Variants in CD82 observed in about 807,000 individuals in gnomAD.
The protein encoded by CD82 is CD82 molecule, also known as CD82 antigen.
In CD82, 36 loss-of-function variants were observed where a neutral mutation model predicts 37.4. The observed-to-expected ratio is 0.96, with a 90% confidence interval of 0.74 to 1.27. The LOEUF (loss-of-function observed/expected upper bound fraction) is 1.27. CD82 is among the 50% of genes most tolerant of loss of function. The pLI is 0.00. For synonymous variants in CD82, 158 were observed against 137.4 expected, an observed-to-expected ratio of 1.15 and a Z score of -1.05; for missense variants, 340 against 347.0, an observed-to-expected ratio of 0.98 and a Z score of 0.16.
At chr11:44,618,063 A>G in intron 7 of CD82, 99 bp from the exon 8 acceptor site, 1 of 999,926 alleles carries the variant, frequency 1.0e-6, no homozygotes. Context: ...GAAGTGGCAT[A>G]TCTCAGTCTC....
chr11:44,619,873 A>G lies in CD82; in HGVS notation c.*747A>G, dbSNP rs965432869. ...GTGGGTCAACTTATTTCCCACTATG[A>G]CATTTATATCTTTATTTTTCACAAT... On this transcript the variant is annotated 3_prime_UTR_variant, in exon 10 of 10. Transcript: ENST00000227155. 27 of 151,746 alleles carry G rather than the reference A, an allele frequency of 1.8e-4. No homozygotes were observed. Among genetic ancestry groups the G allele is most frequent in the African/African-American group, 5.3e-4 (22 of 41,302 alleles). The allele number at this position is 151,746 out of a possible 1,614,324, so 9.4% of individuals were successfully genotyped here. A position where few individuals can be genotyped will look rare whatever the true frequency, so the allele number is the denominator to read the frequency against.
chr11:44,580,715 T>G (rs1005227289), intron 1 of CD82, among the ~76,000 whole-genome samples: 1 of 152,036 alleles, frequency 6.6e-6, no homozygotes, highest in Admixed American at 6.5e-5. Context: ...TCTGTCTCAA[T>G]AAAAAGAAAA....
chr11:44,613,182 C>A (rs777059511), intron 6 of CD82, among the ~76,000 whole-genome samples: 1 of 152,186 alleles, frequency 6.6e-6, no homozygotes, highest in Non-Finnish European at 1.5e-5. Flanking sequence ...TCCTTGGCAT[C>A]CCTGCCTTCT....
intron 2 of CD82, among the ~76,000 whole-genome samples, chr11:44,594,333 A>G (rs1384067601): frequency 6.6e-6 from 1 of 152,162 alleles, no homozygotes; most frequent in Non-Finnish European, 1.5e-5. Flanking sequence ...TGCAAGTTCC[A>G]GAGCCTGGGT....
intron 1 of CD82, among the ~76,000 whole-genome samples, chr11:44,579,038 C>T (rs1026088436): frequency 2.6e-5 from 4 of 152,144 alleles, no homozygotes; most frequent in African/African-American, 7.2e-5. Flanking sequence ...CCTCAGCTTC[C>T]TTAGGGGGCT....
intron 2 of CD82, among the ~76,000 whole-genome samples, chr11:44,588,780 A>T (rs771536924): frequency 2.0e-5 from 3 of 152,184 alleles, no homozygotes; most frequent in Non-Finnish European, 2.9e-5. Context: ...AGCTGGCTGG[A>T]GTAGGAAGTT....
intron 3 of CD82, among the ~76,000 whole-genome samples, chr11:44,599,621 C>A (rs995036977): frequency 6.6e-6 from 1 of 152,230 alleles, no homozygotes; most frequent in African/African-American, 2.4e-5. Context: ...TAGACCCAGT[C>A]GGAATGACTG....
chr11:44,594,229 G>A (rs1414091153), intron 2 of CD82, among the ~76,000 whole-genome samples: 1 of 152,114 alleles, frequency 6.6e-6, no homozygotes. Flanking sequence ...TAGTCCCAGA[G>A]GGAGTCTGTG....
At chr11:44,618,490 A>G (rs1209215685) in intron 8 of CD82, 125 bp downstream of exon 8, 1 of 1,056,702 alleles carries the variant, frequency 9.5e-7, no homozygotes, top group Non-Finnish European at 1.4e-6. Flanking sequence ...TTGTACCTTC[A>G]TCTACTTCTT....
chr11:44,599,177 G>A (rs1243366017), intron 3 of CD82, among the ~76,000 whole-genome samples: 1 of 152,170 alleles, frequency 6.6e-6, no homozygotes, highest in African/African-American at 2.4e-5. Context: ...GAGTGAGGGG[G>A]TCTTGCCCTG....
chr11:44,618,659 A>C lies in CD82; in HGVS notation c.662A>C (p.Gln221Pro). ...TTGCAGGGCTGCATGGAGAAGGTGC[A>C]GGCGTGGCTGCAGGAGAACCTGGGC... ...VYQEGCMEKV[Q>P]AWLQENLGII... The change falls in exon 9 of 10, where the codon CAG (glutamine) becomes CCG (proline). Residue 221 changes from glutamine to proline, a missense_variant. Transcript: ENST00000227155. 1 of 1,612,546 alleles carries C rather than the reference A, an allele frequency of 6.2e-7. No individual in the cohort carries two copies. Among genetic ancestry groups the C allele is most frequent in the East Asian group, 2.2e-5 (1 of 44,830 alleles).
chr11:44,603,330 TC>T (rs1853335240), intron 4 of CD82, among the ~76,000 whole-genome samples: 1 of 152,144 alleles, frequency 6.6e-6, no homozygotes, highest in African/African-American at 2.4e-5. Flanking sequence ...ACAGACTCCC[TC>T]CCGTCCTCCA....
In CD82 at chr11:44,618,144, G is replaced by C. The variant is rs772792442; in HGVS notation, c.439-18G>C. ...GGTGAGCCGTGAGCACAAGCAGTCTGTCCCCTGCCTTGCCCAGGTGAAGTG... is the reference window on the plus strand; with the variant it reads ...GGTGAGCCGTGAGCACAAGCAGTCTCTCCCCTGCCTTGCCCAGGTGAAGTG... On this transcript the variant is annotated intron_variant, in intron 7 of 9. Coordinates refer to ENST00000227155, the MANE Select transcript of CD82 (RefSeq NM_002231.4). 2 of 1,612,406 alleles carry C rather than the reference G, an allele frequency of 1.2e-6. No homozygotes were observed. Among genetic ancestry groups the C allele is most frequent in the Non-Finnish European group, 1.7e-6 (2 of 1,178,762 alleles).
intron 2 of CD82, among the ~76,000 whole-genome samples, chr11:44,591,302 C>A (rs1179512491): frequency 6.6e-6 from 1 of 152,168 alleles, no homozygotes; most frequent in African/African-American, 2.4e-5. Context: ...GGCTCCTTCT[C>A]CCCTCTGTGC....
chr11:44,582,909 G>A (rs1033373145), intron 1 of CD82, among the ~76,000 whole-genome samples: 6 of 152,182 alleles, frequency 3.9e-5, no homozygotes, highest in African/African-American at 7.2e-5. Flanking sequence ...ACTTCTCAAC[G>A]TGTATCATGA....
intron 1 of CD82, among the ~76,000 whole-genome samples, chr11:44,576,056 G>A (rs960996741): frequency 6.6e-6 from 1 of 152,162 alleles, no homozygotes; most frequent in Non-Finnish European, 1.5e-5. Context: ...CACCATCTCT[G>A]CGCTAGGATC....
At chr11:44,615,497 G>T in intron 7 of CD82, 124 bp downstream of exon 7, 1 of 671,486 alleles carries the variant, frequency 1.5e-6, no homozygotes. Flanking sequence ...GTTTGTAGGA[G>T]AGTGTGCTTC....
Position 44,585,696 on chromosome 11 carries a change from A to G in CD82, c.-102-1779A>G, listed in dbSNP as rs138920075. 3.2e-4 allele frequency among the ~76,000 whole-genome samples: 49 copies of G among 152,276 alleles called. 2 individuals are homozygous for G. Among genetic ancestry groups the G allele is most frequent in the African/African-American group, 1.1e-3 (47 of 41,544 alleles). On this transcript the variant is annotated intron_variant, in intron 1 of 9. Coordinates refer to ENST00000227155, the MANE Select transcript of CD82 (RefSeq NM_002231.4). ...CCGGCTCTGTGATTCTGAGTCCAGTACTTCTTATCCCTCCCATGTGGGAGC... is the reference window on the plus strand; with the variant it reads ...CCGGCTCTGTGATTCTGAGTCCAGTGCTTCTTATCCCTCCCATGTGGGAGC...
Position 44,594,642 on chromosome 11 carries a change from G to A in CD82, c.-20-1G>A, listed in dbSNP as rs1853194843. The A allele has an allele frequency of 6.2e-7, 1 of 1,608,508 alleles. No homozygotes were observed. Among genetic ancestry groups the A allele is most frequent in the Non-Finnish European group, 8.5e-7 (1 of 1,174,862 alleles). Reference sequence around the variant, plus strand: ...TGGCCTGCCTGCCTTCTCTCTTCCAGGAAGCTCCAGGACTGGCGGGATGGG... The same window carrying A: ...TGGCCTGCCTGCCTTCTCTCTTCCAAGAAGCTCCAGGACTGGCGGGATGGG... On this transcript the variant is annotated splice_acceptor_variant, in intron 2 of 9. Coordinates refer to ENST00000227155, the MANE Select transcript of CD82 (RefSeq NM_002231.4). LOFTEE classifies it low-confidence loss of function (5UTR_SPLICE).
Sources: allele counts gnomAD v4.1 joint callset (sites outside exome capture counted in the v4.1 genomes callset), GRCh38; gene constraint gnomAD v4.1.1; transcripts MANE v1.5; gene names NCBI Gene and HGNC (gene_info 2026-07-23, HGNC 2026-07-21).